Variants in TAOK1 observed in about 807,000 individuals in gnomAD.
The protein encoded by TAOK1 is serine/threonine-protein kinase TAO1.
A neutral mutation model predicts 138.3 loss-of-function variants in TAOK1; 21 were observed. The observed-to-expected ratio is 0.15, with a 90% CI of 0.11 to 0.22. The LOEUF (loss-of-function observed/expected upper bound fraction) is 0.22, where lower values mean the gene tolerates loss of function less well. TAOK1 is among the 10% of genes least tolerant of loss of function. The probability of loss-of-function intolerance (pLI) is 1.00; values close to 1 mark genes in which losing one functional copy is unlikely to be tolerated. For missense variants in TAOK1, 651 were observed against 1,227.7 expected (o/e 0.53, Z 7.02); for synonymous variants, 361 against 398.4 (o/e 0.91, Z 1.12).
intron 1 of TAOK1, among the ~76,000 whole-genome samples, chr17:29,442,918 C>A (rs142300960): frequency 1.3e-5 from 2 of 152,124 alleles, no homozygotes; most frequent in African/African-American, 4.8e-5. Flanking sequence ...TGTAGGTAAG[C>A]CTGATTCGTC....
intron 3 of TAOK1, among the ~76,000 whole-genome samples, chr17:29,473,747 G>A (rs1396683876): frequency 1.3e-5 from 2 of 150,420 alleles, no homozygotes; most frequent in Admixed American, 1.3e-4. Flanking sequence ...TTTTTTTTGA[G>A]ACAGAGTCTC....
chr17:29,477,017 T>G (rs992650337), intron 4 of TAOK1, among the ~76,000 whole-genome samples: 13 of 152,068 alleles, frequency 8.5e-5, no homozygotes, highest in Non-Finnish European at 1.9e-4. Flanking sequence ...AGCTAATTTT[T>G]TATATTTTTA....
intron 1 of TAOK1, among the ~76,000 whole-genome samples, chr17:29,426,037 C>T (rs992769832): frequency 1.3e-5 from 2 of 152,114 alleles, no homozygotes; most frequent in African/African-American, 4.8e-5. Context: ...CCCACCACCA[C>T]GCCCAGCTAA....
At chr17:29,441,981 G>C (rs1002806337) in intron 1 of TAOK1, among the ~76,000 whole-genome samples, 6 of 151,604 alleles carry the variant, frequency 4.0e-5, no homozygotes, top group African/African-American at 1.5e-4. Context: ...CTGGTTAATA[G>C]GTTTGTCTGT....
At chr17:29,401,338 T>C (rs1485241017) in intron 1 of TAOK1, among the ~76,000 whole-genome samples, 1 of 152,158 alleles carries the variant, frequency 6.6e-6, no homozygotes, top group Non-Finnish European at 1.5e-5. Context: ...TATACAGGCA[T>C]CTGCATCTGG....
In TAOK1 at chr17:29,498,335, T is replaced by C. The variant is rs760946531; in HGVS notation, c.1017T>C (p.Val339=). Reference sequence around the variant, plus strand: ...TCTCTTAGGAACAAGATCATGGTGTTGGCCGGACAGGAACAGTTAATAGTG... The same window carrying C: ...TCTCTTAGGAACAAGATCATGGTGTCGGCCGGACAGGAACAGTTAATAGTG... The part of the protein sequence containing the change: ...QEEEEEQDHG[V]GRTGTVNSVG... The change falls in exon 12 of 20, where the codon GTT becomes GTC. Residue 339 remains valine, a synonymous_variant. Transcript: ENST00000261716. 2 of 1,614,052 alleles carry C rather than the reference T, an allele frequency of 1.2e-6. No homozygotes were observed. Among genetic ancestry groups the C allele is most frequent in the African/African-American group, 1.3e-5 (1 of 74,922 alleles).
intron 1 of TAOK1, among the ~76,000 whole-genome samples, chr17:29,448,282 G>A (rs528586303): frequency 1.4e-4 from 22 of 151,862 alleles, no homozygotes; most frequent in Admixed American, 1.0e-3. Flanking sequence ...GCTATTAGGC[G>A]CTCTCAAAAA....
At chr17:29,401,088 A>T (rs1280375489) in intron 1 of TAOK1, among the ~76,000 whole-genome samples, 5 of 151,280 alleles carry the variant, frequency 3.3e-5, no homozygotes, top group Admixed American at 1.3e-4. Context: ...TTTTGAAAAA[A>T]TTTTTTTGTG....
chr17:29,457,402 C>CTTTTT (rs769026325), intron 2 of TAOK1, among the ~76,000 whole-genome samples: 5 of 76,596 alleles, frequency 6.5e-5, no homozygotes, highest in East Asian at 4.8e-4. Flanking sequence ...CACCCCAGGC[C>CTTTTT]TTTTTTTTTT....
intron 1 of TAOK1, among the ~76,000 whole-genome samples, chr17:29,420,996 C>T (rs1567713580): frequency 6.6e-6 from 1 of 152,168 alleles, no homozygotes; most frequent in Non-Finnish European, 1.5e-5. Context: ...GTGGCTCAGT[C>T]TCAGCTCATT....
chr17:29,499,328 T>A (rs2031471259), intron 12 of TAOK1, among the ~76,000 whole-genome samples: 1 of 151,176 alleles, frequency 6.6e-6, no homozygotes, highest in Admixed American at 6.6e-5. Flanking sequence ...ACCTCTCAGT[T>A]TCAAGCGATC....
intron 2 of TAOK1, among the ~76,000 whole-genome samples, chr17:29,463,993 A>G (rs920512625): frequency 4.6e-5 from 7 of 152,210 alleles, no homozygotes; most frequent in African/African-American, 1.7e-4. Context: ...GAATTTTGAC[A>G]TTATGCTAAA....
intron 1 of TAOK1, among the ~76,000 whole-genome samples, chr17:29,413,881 C>CTTTTTTT (rs34539579): frequency 2.6e-4 from 26 of 101,232 alleles, no homozygotes; most frequent in East Asian, 6.5e-4. Context: ...TTTCTGGCTT[C>CTTTTTTT]TTTTTTTTTT....
rs542202671 is a variant in TAOK1 at position 29,417,012 on chromosome 17, T to G, written c.-95+25988T>G. ...CCTTATTTTAGTTTACCAGTTTTTT[T>G]TTTTTGTTGTTGTTGTTTTGAGATG... On this transcript the variant is annotated intron_variant, in intron 1 of 19. Coordinates refer to ENST00000261716, the MANE Select transcript of TAOK1 (RefSeq NM_020791.4). 1.2e-3 allele frequency among the ~76,000 whole-genome samples: 178 copies of G among 152,198 alleles called. 1 individual carries two copies. Among genetic ancestry groups the G allele is most frequent in the South Asian group, 7.5e-3 (36 of 4,820 alleles).
chr17:29,412,074 A>T (rs1905159171), intron 1 of TAOK1, among the ~76,000 whole-genome samples: 1 of 144,838 alleles, frequency 6.9e-6, no homozygotes. Flanking sequence ...ACAGGATCTC[A>T]CTCTGTCACC....
chr17:29,392,507 G>C (rs1904466878), intron 1 of TAOK1, among the ~76,000 whole-genome samples: 1 of 152,042 alleles, frequency 6.6e-6, no homozygotes, highest in South Asian at 2.1e-4. Flanking sequence ...AGTACTTGTT[G>C]GTTTTGTTCT....
intron 10 of TAOK1, among the ~76,000 whole-genome samples, chr17:29,493,562 T>C (rs1235673064): frequency 6.6e-6 from 1 of 152,146 alleles, no homozygotes; most frequent in Admixed American, 6.5e-5. Context: ...AAGAAGCCTT[T>C]CTAACTCAGG....
chr17:29,429,782 CT>C (rs1481484288), intron 1 of TAOK1, among the ~76,000 whole-genome samples: 1 of 152,108 alleles, frequency 6.6e-6, no homozygotes, highest in African/African-American at 2.4e-5. Flanking sequence ...TTAACTGTGA[CT>C]TTAAGCACAC....
chr17:29,410,629 T>TC (rs1322625227), intron 1 of TAOK1, among the ~76,000 whole-genome samples: 1 of 150,348 alleles, frequency 6.7e-6, no homozygotes, highest in Non-Finnish European at 1.5e-5. Flanking sequence ...GTTTTTTTTT[T>TC]TTTTGGTTTT....
Sources: allele counts gnomAD v4.1 joint callset (sites outside exome capture counted in the v4.1 genomes callset), GRCh38; gene constraint gnomAD v4.1.1; transcripts MANE v1.5; gene names NCBI Gene and HGNC (gene_info 2026-07-23, HGNC 2026-07-21).